LRRC37B: variants seen among roughly 807,000 people sequenced by gnomAD.
LRRC37B encodes the protein leucine-rich repeat-containing protein 37B.
A neutral mutation model predicts 98.3 loss-of-function variants in LRRC37B; 28 were observed. The ratio of observed to expected loss-of-function variants is 0.28; its 90% CI spans 0.21 to 0.39. LRRC37B has a LOEUF of 0.39. Among genes scored for constraint, LRRC37B ranks in the 10% least tolerant of loss-of-function variants. The probability of loss-of-function intolerance (pLI) is 1.00; values close to 1 mark genes in which losing one functional copy is unlikely to be tolerated. For synonymous variants in LRRC37B, 364 were observed against 442.7 expected (o/e 0.82, Z 2.23); for missense variants, 938 against 1,182.7 (o/e 0.79, Z 3.03).
exon 1 of LRRC37B, chr17:32,008,089 G>A: frequency 2.3e-6 from 1 of 436,226 alleles, no homozygotes. Flanking sequence ...ATGACGACGA[G>A]GACGCCAGTT....
rs144431950 is a variant in LRRC37B, at chr17:32,008,650, A to C, written c.-191+518A>C. On this transcript the variant is annotated intron_variant, in intron 1 of 14. Coordinates refer to the LRRC37B transcript ENST00000543378. ...CACACAGAAAAACATGCCTGTGTTC[A>C]CACCCCTAGCTGTGGTTTTTAAATT... is the stretch of plus-strand genomic sequence containing the variant. Among the ~76,000 whole-genome samples the C allele has an allele frequency of 3.4e-3, 525 of 152,320 alleles. 5 individuals are homozygous for C. The highest frequency in any genetic ancestry group is 0.012 in the African/African-American group (487 of 41,562).
At chr17:32,030,445 G>A (rs1269629529) in intron 3 of LRRC37B, among the ~76,000 whole-genome samples, 1 of 150,812 alleles carries the variant, frequency 6.6e-6, no homozygotes, top group African/African-American at 2.4e-5. Flanking sequence ...AGTCTATTAA[G>A]TTGTATATTT....
Position 32,008,706 on chromosome 17 carries a change from A to G in LRRC37B, c.-191+574A>G, listed in dbSNP as rs148410226. 1.2e-3 allele frequency among the ~76,000 whole-genome samples: 179 copies of G among 152,318 alleles called. 4 individuals carry two copies. In the South Asian group the frequency reaches 0.029, roughly 24 times the overall value. ...AAGGAAACGGATCATTTTGGTTAGT[A>G]GGGGAACTTTACCTGGTCCTGTGTG... is the stretch of plus-strand genomic sequence containing the variant. On this transcript the variant is annotated intron_variant, in intron 1 of 14. Transcript: ENST00000543378.
intron 1 of LRRC37B, among the ~76,000 whole-genome samples, chr17:32,012,135 A>G (rs1439697679): frequency 2.0e-5 from 3 of 152,194 alleles, no homozygotes; most frequent in Admixed American, 6.5e-5. Flanking sequence ...AAAGTGTTTC[A>G]TAAGTAATAA....
intron 8 of LRRC37B, among the ~76,000 whole-genome samples, chr17:32,046,617 T>C (rs1949278537): frequency 6.6e-6 from 1 of 150,752 alleles, no homozygotes; most frequent in African/African-American, 2.4e-5. Flanking sequence ...TTTTTTTTTT[T>C]ACCAATTATA....
intron 3 of LRRC37B, among the ~76,000 whole-genome samples, chr17:32,029,593 G>A (rs1018477774): frequency 3.3e-5 from 5 of 151,868 alleles, no homozygotes; most frequent in African/African-American, 1.2e-4. Flanking sequence ...GTGTAGCATC[G>A]GACAGACATC....
At chr17:32,030,820 T>G in intron 4 of LRRC37B, 93 bp downstream of exon 7, 1 of 823,580 alleles carries the variant, frequency 1.2e-6, no homozygotes, top group South Asian at 1.8e-5. Context: ...TGATTAAAAT[T>G]TGACCAGTAG....
intron 5 of LRRC37B, among the ~76,000 whole-genome samples, chr17:32,033,320 G>A (rs1410322449): frequency 7.5e-5 from 10 of 133,412 alleles, no homozygotes; most frequent in African/African-American, 2.8e-4. Flanking sequence ...GGAAGGAAGG[G>A]AGGAAGGGAG....
At chr17:32,046,606 T>TC (rs1322255578) in intron 8 of LRRC37B, among the ~76,000 whole-genome samples, 3 of 151,246 alleles carry the variant, frequency 2.0e-5, no homozygotes, top group East Asian at 1.9e-4. Flanking sequence ...TTTCTTTTTT[T>TC]TTTTTTTTTT....
intron 1 of LRRC37B, among the ~76,000 whole-genome samples, chr17:32,023,902 A>G (rs1910874050): frequency 6.6e-6 from 1 of 152,146 alleles, no homozygotes; most frequent in African/African-American, 2.4e-5. Context: ...AATGCATACC[A>G]TCGGTGCTAG....
chr17:32,039,743 T>C (rs1309587603), intron 7 of LRRC37B, among the ~76,000 whole-genome samples: 2 of 150,972 alleles, frequency 1.3e-5, no homozygotes, highest in African/African-American at 2.4e-5. Flanking sequence ...TTGAGGGCAT[T>C]ATGCAAGATT....
At chr17:32,047,039 T>C (rs1355018599) in intron 8 of LRRC37B, 1 of 153,080 alleles carries the variant, frequency 6.5e-6, no homozygotes, top group Non-Finnish European at 1.5e-5. Context: ...ATTGTATATT[T>C]AACAACATAG....
chr17:32,018,679 A>AT (rs1910698456), upstream of LRRC37B, among the ~76,000 whole-genome samples: 1 of 152,178 alleles, frequency 6.6e-6, no homozygotes, highest in African/African-American at 2.4e-5. Context: ...TGTGGGGGGA[A>AT]TGTAACTGGC....
At chr17:32,050,243 G>A (rs1911714383) in intron 11 of LRRC37B, 136 bp downstream of exon 14, 1 of 676,656 alleles carries the variant, frequency 1.5e-6, no homozygotes. Context: ...GGTGTGCTTT[G>A]TTCTTTTACT....
intron 6 of LRRC37B, 110 bp from the exon 10 acceptor site, chr17:32,035,455 G>A: frequency 8.2e-7 from 1 of 1,220,430 alleles, no homozygotes; most frequent in Non-Finnish European, 1.2e-6. Context: ...GAAGTGGCTT[G>A]TTTTATAGAG....
chr17:32,045,233 C>T (rs1222074533), intron 7 of LRRC37B, among the ~76,000 whole-genome samples: 4 of 151,986 alleles, frequency 2.6e-5, no homozygotes, highest in Non-Finnish European at 5.9e-5. Context: ...ATGCAATCTC[C>T]GTTATTTTTT....
At chr17:32,039,228 C>T (rs1031065863) in intron 7 of LRRC37B, among the ~76,000 whole-genome samples, 6 of 151,408 alleles carry the variant, frequency 4.0e-5, no homozygotes, top group African/African-American at 9.7e-5. Context: ...CCTCCGGCCT[C>T]GTTCTCCCAG....
intron 1 of LRRC37B, among the ~76,000 whole-genome samples, chr17:32,023,742 C>T (rs1323270417): frequency 2.0e-5 from 3 of 152,190 alleles, no homozygotes; most frequent in African/African-American, 4.8e-5. Flanking sequence ...TCCAGAACTC[C>T]TCTTTGTCCC....
At chr17:32,040,577 G>A (rs2142256447) in intron 7 of LRRC37B, 2 of 767,156 alleles carry the variant, frequency 2.6e-6, no homozygotes, top group Non-Finnish European at 4.9e-6. Flanking sequence ...CGGAAATGCT[G>A]GCAAGGACCA....
Sources: allele counts gnomAD v4.1 joint callset (sites outside exome capture counted in the v4.1 genomes callset), GRCh38; gene constraint gnomAD v4.1.1; transcripts MANE v1.5; gene names NCBI Gene and HGNC (gene_info 2026-07-23, HGNC 2026-07-21).